Variants in SND1 observed in about 807,000 individuals in gnomAD.
SND1 encodes the protein staphylococcal nuclease domain-containing protein 1.
SND1 carries 38 observed loss-of-function variants against 121.7 expected under a neutral mutation model. That is an observed-to-expected ratio of 0.31 (90% CI 0.24 to 0.41). SND1 has a LOEUF of 0.41. SND1 is among the 10% of genes least tolerant of loss of function. The probability of loss-of-function intolerance (pLI) is 1.00; values close to 1 mark genes in which losing one functional copy is unlikely to be tolerated. For missense variants in SND1, 868 were observed against 1,184.6 expected, an observed-to-expected ratio of 0.73 and a Z score of 3.92; for synonymous variants, 401 against 447.4, an observed-to-expected ratio of 0.90 and a Z score of 1.31.
intron 9 of SND1, among the ~76,000 whole-genome samples, chr7:127,719,742 C>A (rs1469502736): frequency 6.6e-6 from 1 of 152,162 alleles, no homozygotes; most frequent in Non-Finnish European, 1.5e-5. Flanking sequence ...TTTCTGATTG[C>A]TGGGCTGTTC....
At chr7:127,925,544 AGTT>A (rs1230489693) in intron 14 of SND1, among the ~76,000 whole-genome samples, 1 of 151,986 alleles carries the variant, frequency 6.6e-6, no homozygotes, top group Non-Finnish European at 1.5e-5. Context: ...CAAGTCCTGT[AGTT>A]GTTATCTCTT....
At chr7:127,974,032 G>A (rs1186873833) in intron 15 of SND1, among the ~76,000 whole-genome samples, 1 of 152,206 alleles carries the variant, frequency 6.6e-6, no homozygotes, top group Non-Finnish European at 1.5e-5. Context: ...CTGCCTCTCT[G>A]GGAGTGCTAC....
At position 127,703,300 on chromosome 7, in the gene SND1, A is replaced by G. The variant is rs534570962; in HGVS notation, c.817A>G (p.Ile273Val). ...IILESCHNQN[I>V]LGTILHPNGN... ...TCTGGAGAGCTGCCACAACCAGAACATTCTGGGTACCATCCTTCATCCAGT... is the reference window on the plus strand; with the variant it reads ...TCTGGAGAGCTGCCACAACCAGAACGTTCTGGGTACCATCCTTCATCCAGT... The change falls in exon 7 of 24, where the codon ATT becomes GTT. Residue 273 changes from isoleucine (I) to valine (V), a missense_variant. By Grantham distance (29) the Ile-to-Val change is conservative. Around this residue, in one of 2 missense-constraint regions of SND1, gnomAD observed 743 missense variants for 1,071.3 expected, o/e 0.69. Transcript: ENST00000354725. 35 of 1,614,152 alleles carry G rather than the reference A, an allele frequency of 2.2e-5. No individual in the cohort carries two copies. In the East Asian group the frequency reaches 7.8e-4, roughly 36 times the overall value.
chr7:127,767,409 C>G (rs985675951), intron 10 of SND1, among the ~76,000 whole-genome samples: 3 of 152,100 alleles, frequency 2.0e-5, no homozygotes, highest in African/African-American at 7.2e-5. Context: ...AAGCTAGGCC[C>G]TCGAATCTAT....
intron 8 of SND1, among the ~76,000 whole-genome samples, chr7:127,706,244 G>GCCCCCCCGC (rs1475346459): frequency 4.5e-5 from 2 of 44,012 alleles, no homozygotes; most frequent in African/African-American, 1.1e-4. Flanking sequence ...TTAATTTCTT[G>GCCCCCCCGC]CCCCCCCTCC....
chr7:127,893,313 G>A (rs147552464), intron 13 of SND1, among the ~76,000 whole-genome samples: 510 of 152,214 alleles, frequency 3.4e-3, no homozygotes, highest in Admixed American at 5.5e-3. Flanking sequence ...AATGTTTAGA[G>A]TCCGATCAAA....
intron 14 of SND1, among the ~76,000 whole-genome samples, chr7:127,926,764 T>A (rs138799245): frequency 1.4e-3 from 209 of 150,334 alleles, no homozygotes; most frequent in African/African-American, 4.2e-3. Context: ...TTGTTGTTGT[T>A]GTACTTTTAG....
chr7:127,670,535 T>C (rs1795498315), intron 1 of SND1, among the ~76,000 whole-genome samples: 2 of 152,234 alleles, frequency 1.3e-5, no homozygotes, highest in Admixed American at 1.3e-4. Context: ...ACAGATTTAA[T>C]GGTCTTGCCT....
intron 13 of SND1, 62 bp from the exon 14 acceptor site, chr7:127,904,685 C>A: frequency 8.8e-7 from 1 of 1,142,210 alleles, no homozygotes; most frequent in Non-Finnish European, 1.3e-6. Context: ...CATTTTTGCA[C>A]CCTCCTACCC....
intron 13 of SND1, among the ~76,000 whole-genome samples, chr7:127,898,475 T>C (rs1800162069): frequency 6.6e-6 from 1 of 152,136 alleles, no homozygotes. Flanking sequence ...CCCTGTCGCT[T>C]CCTCCAGCTC....
At chr7:127,919,551 A>G (rs1196033681) in intron 14 of SND1, among the ~76,000 whole-genome samples, 1 of 152,208 alleles carries the variant, frequency 6.6e-6, no homozygotes, top group African/African-American at 2.4e-5. Flanking sequence ...CTGTTAAGTT[A>G]TTGTTTAATC....
At position 127,919,661 on chromosome 7, in the gene SND1, C is replaced by T. The variant is rs544517185; in HGVS notation, c.1528-9527C>T. On this transcript the variant is annotated intron_variant, in intron 14 of 23. Coordinates refer to ENST00000354725, the MANE Select transcript of SND1 (RefSeq NM_014390.4). ...CCATGTGTAAGCTATGTTTTTAGCC[C>T]GGTCTCATGTCTCAATTCTGAAAAT... Among the ~76,000 whole-genome samples the T allele has an allele frequency of 3.9e-5, 6 of 152,024 alleles. 1 individual carries two copies. In the South Asian group the frequency reaches 6.3e-4, roughly 16 times the overall value.
chr7:128,067,717 T>C (rs971836853), intron 16 of SND1, among the ~76,000 whole-genome samples: 1 of 152,160 alleles, frequency 6.6e-6, no homozygotes, highest in Admixed American at 6.5e-5. Context: ...TCAGGCATTG[T>C]GCACTGCAGT....
chr7:127,953,151 CGTGTGTGT>C (rs59825900), intron 15 of SND1, among the ~76,000 whole-genome samples: 5,784 of 91,772 alleles, frequency 0.063, 168 homozygotes, highest in East Asian at 0.1. Flanking sequence ...GTGACAAGAC[CGTGTGTGT>C]GTGTGTGTGT....
intron 15 of SND1, among the ~76,000 whole-genome samples, chr7:127,982,499 C>T (rs1733844001): frequency 6.6e-6 from 1 of 152,202 alleles, no homozygotes; most frequent in Non-Finnish European, 1.5e-5. Flanking sequence ...TTAGCAGTGA[C>T]ATGTTCCAAA....
intron 15 of SND1, among the ~76,000 whole-genome samples, chr7:127,961,001 C>T (rs1801718059): frequency 6.6e-6 from 1 of 152,198 alleles, no homozygotes; most frequent in Non-Finnish European, 1.5e-5. Context: ...GGTGTAGGCA[C>T]ATCTCTGGCA....
At chr7:128,042,750 C>T (rs534695510) in intron 16 of SND1, among the ~76,000 whole-genome samples, 12 of 152,146 alleles carry the variant, frequency 7.9e-5, no homozygotes, top group Non-Finnish European at 1.8e-4. Flanking sequence ...AAATTCTTTA[C>T]CAAATTGAGA....
chr7:127,801,123 G>C (rs1215040928), intron 10 of SND1, among the ~76,000 whole-genome samples: 3 of 152,164 alleles, frequency 2.0e-5, no homozygotes, highest in Admixed American at 2.0e-4. Flanking sequence ...CCTGTAAGTA[G>C]CATTTCGTAG....
chr7:127,707,903 T>C (rs1173270786), intron 9 of SND1, among the ~76,000 whole-genome samples: 1 of 152,100 alleles, frequency 6.6e-6, no homozygotes, highest in Non-Finnish European at 1.5e-5. Context: ...TCTCATAGTT[T>C]AGGACTTCTT....
Sources: gnomAD v4.1 joint callset for allele counts (sites outside exome capture counted in the v4.1 genomes callset) on GRCh38, gnomAD v4.1.1 for gene constraint, gnomAD v4.1.1 regional missense constraint, MANE v1.5 for transcripts, NCBI Gene and HGNC (gene_info 2026-07-23, HGNC 2026-07-21) for gene names.